Variants in RASAL2 observed in about 807,000 individuals in gnomAD.
The protein encoded by RASAL2 is ras GTPase-activating protein nGAP.
A neutral mutation model predicts 128.9 loss-of-function variants in RASAL2; 58 were observed. The observed-to-expected ratio is 0.45, with a 90% CI of 0.36 to 0.56. The LOEUF (loss-of-function observed/expected upper bound fraction) is 0.56. RASAL2 is among the 20% of genes least tolerant of loss of function. The pLI is 0.00. For missense variants in RASAL2, 1,360 were observed against 1,601.6 expected (o/e 0.85, Z 2.57); for synonymous variants, 561 against 580.8 (o/e 0.97, Z 0.49).
At chr1:178,149,841 TG>T (rs1040215598) in intron 1 of RASAL2, among the ~76,000 whole-genome samples, 1 of 152,160 alleles carries the variant, frequency 6.6e-6, no homozygotes, top group African/African-American at 2.4e-5. Flanking sequence ...CTTAATTATC[TG>T]TTGTTTGACC....
chr1:178,112,329 A>AG (rs1255814550), intron 1 of RASAL2, among the ~76,000 whole-genome samples: 2 of 152,050 alleles, frequency 1.3e-5, no homozygotes, highest in Non-Finnish European at 2.9e-5. Flanking sequence ...AGGCGGGTGG[A>AG]TCACGAGGTC....
intron 3 of RASAL2, among the ~76,000 whole-genome samples, chr1:178,328,350 A>G (rs112682276): frequency 0.013 from 1,983 of 152,290 alleles, 35 homozygotes; most frequent in African/African-American, 0.042. Flanking sequence ...ATGTGTAATA[A>G]TCACATCAGG....
chr1:178,123,302 C>T (rs1659781236), intron 1 of RASAL2: 1 of 152,122 alleles, frequency 6.6e-6, no homozygotes, highest in African/African-American at 2.4e-5. Flanking sequence ...TGAGAGAGAA[C>T]GAGGGTATCT....
intron 1 of RASAL2, among the ~76,000 whole-genome samples, chr1:178,184,007 G>A (rs930980038): frequency 5.9e-5 from 9 of 152,132 alleles, no homozygotes; most frequent in African/African-American, 2.2e-4. Context: ...TAGGTATGTA[G>A]TGTTAAAACA....
intron 3 of RASAL2, among the ~76,000 whole-genome samples, chr1:178,339,424 G>T (rs1669752240): frequency 6.6e-6 from 1 of 152,170 alleles, no homozygotes; most frequent in Non-Finnish European, 1.5e-5. Flanking sequence ...TTTTCCTGCA[G>T]CATGAGTGAG....
intron 4 of RASAL2, among the ~76,000 whole-genome samples, chr1:178,413,327 A>C (rs1043251741): frequency 2.0e-5 from 3 of 152,200 alleles, no homozygotes; most frequent in Admixed American, 6.5e-5. Flanking sequence ...ATCAGAAGGA[A>C]GGGAAATACC....
At chr1:178,339,926 T>A (rs1272313200) in intron 3 of RASAL2, among the ~76,000 whole-genome samples, 1 of 152,154 alleles carries the variant, frequency 6.6e-6, no homozygotes, top group African/African-American at 2.4e-5. Context: ...ATTTTAAAGA[T>A]CTCTTCCGGT....
At chr1:178,134,019 C>G (rs773237523) in intron 1 of RASAL2, among the ~76,000 whole-genome samples, 3 of 152,062 alleles carry the variant, frequency 2.0e-5, no homozygotes, top group Admixed American at 6.5e-5. Context: ...AATTTTTTAT[C>G]TATTGCTGTA....
At chr1:178,266,902 T>TG (rs1468941066) in intron 1 of RASAL2, among the ~76,000 whole-genome samples, 1 of 151,980 alleles carries the variant, frequency 6.6e-6, no homozygotes, top group East Asian at 1.9e-4. Context: ...CAGGCACATG[T>TG]GGGGGCAAAG....
intron 6 of RASAL2, 102 bp downstream of exon 6, chr1:178,439,677 T>TC: frequency 4.8e-6 from 5 of 1,032,862 alleles, no homozygotes; most frequent in Non-Finnish European, 6.7e-6. Context: ...ATGATTTAAT[T>TC]AACTGGTTTT....
chr1:178,207,612 G>A (rs1256315850), intron 1 of RASAL2, among the ~76,000 whole-genome samples: 1 of 152,090 alleles, frequency 6.6e-6, no homozygotes, highest in Non-Finnish European at 1.5e-5. Context: ...CTAAAGTATT[G>A]AGTGATGGGA....
chr1:178,208,196 A>C (rs1360103900), intron 1 of RASAL2, among the ~76,000 whole-genome samples: 1 of 152,202 alleles, frequency 6.6e-6, no homozygotes, highest in Non-Finnish European at 1.5e-5. Flanking sequence ...TTAGGGAACA[A>C]GGGAAGACAA....
intron 2 of RASAL2, among the ~76,000 whole-genome samples, chr1:178,295,422 G>A (rs533764343): frequency 1.1e-4 from 16 of 151,358 alleles, no homozygotes; most frequent in African/African-American, 3.9e-4. Context: ...CTGTGTCCAT[G>A]TGTTCTCATT....
chr1:178,312,498 A>C (rs1011686358), intron 3 of RASAL2, among the ~76,000 whole-genome samples: 1 of 152,224 alleles, frequency 6.6e-6, no homozygotes, highest in African/African-American at 2.4e-5. Context: ...TGCAAGACTC[A>C]AAAAAGATTA....
intron 1 of RASAL2, among the ~76,000 whole-genome samples, chr1:178,135,496 TAA>T (rs1207102103): frequency 0.012 from 1,451 of 116,356 alleles, 12 homozygotes; most frequent in African/African-American, 0.035. Context: ...TGTCTCTTCA[TAA>T]AAAAAAAAAA....
Position 178,238,607 on chromosome 1 carries a change from T to TACAC in RASAL2, c.203-44942_203-44939dup, listed in dbSNP as rs10634445. On this transcript the variant is annotated intron_variant, in intron 1 of 17. Transcript: ENST00000367649. ...ATATTTCTGTGTGTATGTGTGTATA[T>TACAC]ACACACACACACACACACTTTGATC... Among the ~76,000 whole-genome samples, 19 of 150,542 alleles carry TACAC rather than the reference T, an allele frequency of 1.3e-4. No individual in the cohort carries two copies. In the East Asian group the frequency reaches 2.5e-3, roughly 20 times the overall value.
At chr1:178,262,630 T>C (rs1023050923) in intron 1 of RASAL2, among the ~76,000 whole-genome samples, 2 of 152,172 alleles carry the variant, frequency 1.3e-5, no homozygotes, top group African/African-American at 4.8e-5. Flanking sequence ...AATTGAAACC[T>C]GTAGAGAAAT....
chr1:178,473,448 A>G lies in RASAL2; in HGVS notation c.*209A>G, dbSNP rs927359446. The G allele has an allele frequency of 6.6e-6, 4 of 603,636 alleles. No individual in the cohort carries two copies. The highest frequency in any genetic ancestry group is 3.7e-5 in the African/African-American group (2 of 53,914). 37.4% of individuals were successfully genotyped at this position (603,636 alleles called of 1,614,324 possible). On this transcript the variant is annotated 3_prime_UTR_variant, in exon 18 of 18. Coordinates refer to ENST00000367649, the MANE Select transcript of RASAL2 (RefSeq NM_170692.4). ...GCTTTTCCCCCACATCTCTATGTAC[A>G]TAGGGAACTTAGTTCTGGGCCATGT...
chr1:178,186,627 A>T (rs559227949), intron 1 of RASAL2, among the ~76,000 whole-genome samples: 2 of 152,128 alleles, frequency 1.3e-5, no homozygotes, highest in African/African-American at 4.8e-5. Flanking sequence ...GTTCCCCTGC[A>T]TGTAATACTT....
Sources: allele counts gnomAD v4.1 joint callset (sites outside exome capture counted in the v4.1 genomes callset), GRCh38; gene constraint gnomAD v4.1.1; transcripts MANE v1.5; gene names NCBI Gene and HGNC (gene_info 2026-07-23, HGNC 2026-07-21).